The following SNX11 variants were observed in gnomAD, a reference collection of about 807,000 sequenced individuals.
SNX11 encodes sorting nexin 11.
Under a neutral mutation model 30.7 loss-of-function variants are expected in SNX11, and 19 were observed. The observed-to-expected ratio is 0.62, with a 90% confidence interval of 0.43 to 0.91. The LOEUF (loss-of-function observed/expected upper bound fraction) is 0.91. Among genes scored for constraint, SNX11 ranks in the 40% least tolerant of loss-of-function variants. SNX11 has a pLI of 0.00. For missense variants in SNX11, 302 were observed against 326.7 expected (o/e 0.92, Z 0.58); for synonymous variants, 112 against 119.0 (o/e 0.94, Z 0.38).
Position 48,122,747 on chromosome 17 carries a change from ATTG to A in SNX11, c.*1246_*1248del, listed in dbSNP as rs1356264230. 1.3e-5 allele frequency: 2 copies of A among 152,220 alleles called. No homozygotes were observed. Among genetic ancestry groups the A allele is most frequent in the Admixed American group, 1.3e-4 (2 of 15,282 alleles). 9.4% of individuals were successfully genotyped at this position (152,220 alleles called of 1,614,324 possible). A position where few individuals can be genotyped will look rare whatever the true frequency, so the allele number is the denominator to read the frequency against. ...CTGAAATAAAATGCAAGTATTTAAGATTGTTGTTGCAATTTGTGTCTAACAAGC... is the reference window on the plus strand; with the variant it reads ...CTGAAATAAAATGCAAGTATTTAAGATTGTTGCAATTTGTGTCTAACAAGC... On this transcript the variant is annotated 3_prime_UTR_variant, in exon 7 of 7. Coordinates refer to ENST00000359238, the MANE Select transcript of SNX11 (RefSeq NM_013323.3).
chr17:48,113,247 C>G, intron 3 of SNX11, 54 bp from the exon 4 acceptor site: 1 of 1,432,378 alleles, frequency 7.0e-7, no homozygotes, highest in Non-Finnish European at 9.8e-7. Context: ...CTCATGTGAA[C>G]TTGTCTATTT....
intron 4 of SNX11, among the ~76,000 whole-genome samples, 178 bp from the exon 5 acceptor site, chr17:48,118,526 C>A (rs1227557470): frequency 6.7e-6 from 1 of 148,896 alleles, no homozygotes; most frequent in African/African-American, 2.5e-5. Context: ...TGCAGTAAGC[C>A]GAGATTGTAC....
chr17:48,113,570 G>A (rs1199489198), intron 4 of SNX11, 169 bp downstream of exon 4: 19 of 461,862 alleles, frequency 4.1e-5, no homozygotes, highest in Non-Finnish European at 6.3e-5. Flanking sequence ...TTTTGATGTA[G>A]GGTCTTGCTT....
chr17:48,117,311 A>G (rs986827018), intron 4 of SNX11, among the ~76,000 whole-genome samples: 1 of 149,330 alleles, frequency 6.7e-6, no homozygotes, highest in African/African-American at 2.5e-5. Context: ...CTGGAGTGCA[A>G]GGGTACAATC....
At chr17:48,114,333 A>G (rs1361819968) in intron 4 of SNX11, among the ~76,000 whole-genome samples, 1 of 148,370 alleles carries the variant, frequency 6.7e-6, no homozygotes, top group Non-Finnish European at 1.5e-5. Context: ...TTGTATTTTT[A>G]GTAGAGATGG....
intron 4 of SNX11, among the ~76,000 whole-genome samples, chr17:48,117,725 C>G (rs928273674): frequency 6.6e-6 from 1 of 152,048 alleles, no homozygotes; most frequent in African/African-American, 2.4e-5. Flanking sequence ...TAGTGTGGCT[C>G]GGCTTGGTGG....
chr17:48,115,755 G>T (rs1447644130), intron 4 of SNX11, among the ~76,000 whole-genome samples: 2 of 152,114 alleles, frequency 1.3e-5, no homozygotes, highest in Non-Finnish European at 2.9e-5. Context: ...GCTGTAGGAT[G>T]GTCACTGAAT....
At chr17:48,113,253 T>C in intron 3 of SNX11, 48 bp from the exon 4 acceptor site, 6 of 1,477,862 alleles carry the variant, frequency 4.1e-6, no homozygotes, top group Non-Finnish European at 5.7e-6. Flanking sequence ...TGAACTTGTC[T>C]ATTTCCACTA....
chr17:48,111,685 C>T (rs2063493949), intron 1 of SNX11, among the ~76,000 whole-genome samples: 4 of 151,410 alleles, frequency 2.6e-5, no homozygotes, highest in Admixed American at 2.6e-4. Context: ...GAGTGCTCAC[C>T]AGACCCTGTT....
rs756252163 is a variant in SNX11, at chr17:48,119,207, G to A, written c.539+21G>A. 3.2e-6 allele frequency: 5 copies of A among 1,579,460 alleles called. 1 individual carries two copies. The South Asian group carries it at 5.5e-5, about 17-fold the overall frequency. On this transcript the variant is annotated intron_variant, in intron 6 of 6. Coordinates refer to ENST00000359238, the MANE Select transcript of SNX11 (RefSeq NM_013323.3). ...AAGAGGTAACTGGAGTACTCTTTGA[G>A]ATAGCAGGGGCTAGGTTTGCTATAA...
intron 4 of SNX11, among the ~76,000 whole-genome samples, chr17:48,116,628 G>A (rs1012726895): frequency 4.2e-4 from 63 of 149,932 alleles, no homozygotes; most frequent in Non-Finnish European, 7.0e-4. Context: ...AGGCTAGAGT[G>A]TAGTGGTGCA....
rs1345082173 is a variant in SNX11 at position 48,121,262 on chromosome 17, G to A, written c.567G>A (p.Arg189=). The change falls in exon 7 of 7, where the codon AGG becomes AGA. Residue 189 remains arginine, a synonymous_variant. Transcript: ENST00000359238. The part of the protein sequence containing the change: ...KSCCFLPRSG[R]RSSPSPPPSE... ...GCTGCTTTCTTCCAAGATCGGGTAG[G>A]AGGAGCTCTCCCTCACCGCCTCCCA... 1.9e-6 allele frequency: 3 copies of A among 1,614,138 alleles called. No homozygotes were observed. Among genetic ancestry groups the A allele is most frequent in the Admixed American group, 3.3e-5 (2 of 59,994 alleles).
chr17:48,115,950 T>C (rs2063541473), intron 4 of SNX11, among the ~76,000 whole-genome samples: 1 of 151,542 alleles, frequency 6.6e-6, no homozygotes. Flanking sequence ...TTTCTTTTTT[T>C]TTTTTTTTGA....
intron 3 of SNX11, among the ~76,000 whole-genome samples, 156 bp from the exon 4 acceptor site, chr17:48,113,145 T>C (rs1402792568): frequency 6.6e-6 from 1 of 152,196 alleles, no homozygotes; most frequent in African/African-American, 2.4e-5. Context: ...GAGTTGCTTT[T>C]GGGCTGCCTG....
At chr17:48,117,017 G>C (rs971843512) in intron 4 of SNX11, among the ~76,000 whole-genome samples, 1 of 151,320 alleles carries the variant, frequency 6.6e-6, no homozygotes, top group African/African-American at 2.4e-5. Context: ...GATTACAGGG[G>C]TGCACCACCA....
Position 48,121,498 on chromosome 17 carries a change from T to G in SNX11, c.803T>G (p.Leu268Trp). 6.2e-7 allele frequency: 1 copy of G among 1,613,444 alleles called. No homozygotes were observed. The highest frequency in any genetic ancestry group is 1.3e-5 in the African/African-American group (1 of 75,036). ...PLDPGQLETV[L>W]EK ...GACCCTGGTCAGTTAGAAACAGTTT[T>G]GGAAAAGTGAGCTCTGGGTTCTGCT... Residue 268 changes from leucine to tryptophan, a missense_variant, in exon 7 of 7, where the codon TTG becomes TGG. Coordinates refer to ENST00000359238, the MANE Select transcript of SNX11 (RefSeq NM_013323.3).
intron 1 of SNX11, chr17:48,111,199 C>A: frequency 1.2e-6 from 1 of 857,444 alleles, no homozygotes; most frequent in Non-Finnish European, 1.4e-6. Context: ...GGGCAACCCA[C>A]TCAGGTGCTC....
intron 1 of SNX11, among the ~76,000 whole-genome samples, chr17:48,109,696 G>A (rs1037100711): frequency 1.3e-5 from 2 of 151,886 alleles, no homozygotes; most frequent in African/African-American, 4.8e-5. Flanking sequence ...TCCTGCTTCA[G>A]TCTCCCAAGT....
intron 4 of SNX11, among the ~76,000 whole-genome samples, chr17:48,115,596 A>T (rs1296451929): frequency 6.6e-6 from 1 of 150,540 alleles, no homozygotes; most frequent in African/African-American, 2.5e-5. Context: ...TCCACTTCAC[A>T]TGTAAAAATA....
Sources: allele counts gnomAD v4.1 joint callset (sites outside exome capture counted in the v4.1 genomes callset), GRCh38; gene constraint gnomAD v4.1.1; transcripts MANE v1.5; gene names NCBI Gene and HGNC (gene_info 2026-07-23, HGNC 2026-07-21).